BNC2: variants seen among roughly 807,000 people sequenced by gnomAD.
BNC2 encodes the protein basonuclin zinc finger protein 2.
A neutral mutation model predicts 76.3 loss-of-function variants in BNC2; 20 were observed. That is an observed-to-expected ratio of 0.26 (90% CI 0.18 to 0.38). BNC2 has a LOEUF of 0.38. Ranked by LOEUF, BNC2 falls within the 10% of genes least tolerant of loss-of-function variation. BNC2 has a pLI of 1.00. For missense variants in BNC2, 1,382 were observed against 1,399.8 expected (o/e 0.99, Z 0.20); for synonymous variants, 582 against 514.8 (o/e 1.13, Z -1.77).
chr9:16,508,539 T>C (rs890876063), intron 5 of BNC2, among the ~76,000 whole-genome samples: 3 of 152,230 alleles, frequency 2.0e-5, no homozygotes, highest in Non-Finnish European at 4.4e-5. Flanking sequence ...GGCTTGAATA[T>C]CTGAAGAAAA....
intron 5 of BNC2, among the ~76,000 whole-genome samples, chr9:16,516,157 T>C (rs1273299626): frequency 6.6e-6 from 1 of 152,288 alleles, no homozygotes; most frequent in Non-Finnish European, 1.5e-5. Flanking sequence ...AGCCTAACTG[T>C]GCTTCCAGCC....
intron 1 of BNC2, among the ~76,000 whole-genome samples, chr9:16,758,790 A>C (rs536061485): frequency 2.6e-4 from 40 of 152,354 alleles, no homozygotes; most frequent in African/African-American, 7.9e-4. Context: ...GTATTTAAAA[A>C]TCTGCCAATT....
Position 16,488,563 on chromosome 9 carries a change from G to C in BNC2, c.670-51039C>G, listed in dbSNP as rs1368367786. Among the ~76,000 whole-genome samples, 9 of 152,162 alleles carry C rather than the reference G, an allele frequency of 5.9e-5. No homozygotes were observed. In the South Asian group the frequency reaches 1.9e-3, roughly 32 times the overall value. On this transcript the variant is annotated intron_variant, in intron 5 of 6. Transcript: ENST00000380672. ...TTAGCAAATGAATGCGTTTAGTCTG[G>C]AGATCTTTTCATGCACTAAAATATC... is the stretch of plus-strand genomic sequence containing the variant.
intron 1 of BNC2, among the ~76,000 whole-genome samples, chr9:16,765,126 C>G (rs186246683): frequency 5.3e-5 from 8 of 152,120 alleles, no homozygotes; most frequent in African/African-American, 7.2e-5. Flanking sequence ...CACACTCTAT[C>G]GTACACAAAT....
chr9:16,736,191 G>A (rs1357108184), intron 2 of BNC2, among the ~76,000 whole-genome samples: 5 of 148,412 alleles, frequency 3.4e-5, no homozygotes, highest in African/African-American at 7.5e-5. Flanking sequence ...CCAAGATCGC[G>A]CCACTGCACT....
At position 16,553,666 on chromosome 9, in the gene BNC2, T is replaced by C. The variant is rs1347498621; in HGVS notation, c.434-901A>G. Among the ~76,000 whole-genome samples, 6 of 152,088 alleles carry C rather than the reference T, an allele frequency of 3.9e-5. No homozygotes were observed. The East Asian group carries it at 5.8e-4, about 15-fold the overall frequency. On this transcript the variant is annotated intron_variant, in intron 4 of 6. Transcript: ENST00000380672. ...CTCAGAGTAAACACTTTTAATAAAA[T>C]GAAAAGTTCAACAATTGGGTGCTTT... is the stretch of plus-strand genomic sequence containing the variant.
At chr9:16,816,188 T>C (rs887136848) in intron 1 of BNC2, among the ~76,000 whole-genome samples, 3 of 152,156 alleles carry the variant, frequency 2.0e-5, no homozygotes, top group Non-Finnish European at 4.4e-5. Context: ...GCTTGAGACA[T>C]TGTTCTGGCC....
intron 1 of BNC2, among the ~76,000 whole-genome samples, chr9:16,843,807 G>A (rs1818893852): frequency 6.6e-6 from 1 of 152,182 alleles, no homozygotes; most frequent in Non-Finnish European, 1.5e-5. Flanking sequence ...CAATTGAATA[G>A]TATTTGAAAA....
At chr9:16,519,928 C>T (rs10756757) in intron 5 of BNC2, among the ~76,000 whole-genome samples, 51,496 of 152,054 alleles carry the variant, frequency 0.34, 9,115 homozygotes, top group East Asian at 0.49. Context: ...AGACAGTCAA[C>T]AGACACTGGC....
chr9:16,662,193 T>C (rs999973985), intron 3 of BNC2, among the ~76,000 whole-genome samples: 3 of 152,222 alleles, frequency 2.0e-5, no homozygotes, highest in Non-Finnish European at 2.9e-5. Context: ...TCAGAATAGA[T>C]ATTCTGGTCC....
intron 1 of BNC2, among the ~76,000 whole-genome samples, chr9:16,740,980 A>G (rs1301375318): frequency 6.6e-6 from 1 of 152,214 alleles, no homozygotes; most frequent in African/African-American, 2.4e-5. Context: ...TTTTTCCACT[A>G]AACTGTACAC....
rs549421273 is a variant in BNC2, at chr9:16,580,914, C to T, written c.433+2069G>A. ...TTTTACAGGCAAGAAAACTGAAGTC[C>T]AGCAATATTAACATGTCATGAGGTG... On this transcript the variant is annotated intron_variant, in intron 4 of 6. Coordinates refer to ENST00000380672, the MANE Select transcript of BNC2 (RefSeq NM_017637.6). Among the ~76,000 whole-genome samples the T allele has an allele frequency of 1.8e-3, 279 of 152,132 alleles. 3 individuals are homozygous for T. Among genetic ancestry groups the T allele is most frequent in the Middle Eastern group, 6.8e-3 (2 of 294 alleles).
At chr9:16,788,486 G>A (rs1826370589) in intron 1 of BNC2, among the ~76,000 whole-genome samples, 1 of 150,696 alleles carries the variant, frequency 6.6e-6, no homozygotes, top group African/African-American at 2.4e-5. Flanking sequence ...CCAGGAGGCG[G>A]AGCTTGCAGT....
chr9:16,466,133 G>A (rs1821702075), intron 5 of BNC2, among the ~76,000 whole-genome samples: 1 of 38,824 alleles, frequency 2.6e-5, no homozygotes, highest in Non-Finnish European at 5.1e-5. Flanking sequence ...GGGATGTGAA[G>A]GACCTCTTCA....
chr9:16,481,254 G>C (rs981874565), intron 5 of BNC2, among the ~76,000 whole-genome samples: 3 of 152,124 alleles, frequency 2.0e-5, no homozygotes, highest in South Asian at 4.2e-4. Flanking sequence ...CCAATCAGCA[G>C]GATGTGGGTG....
chr9:16,659,606 C>CAAA (rs779661465), intron 3 of BNC2, among the ~76,000 whole-genome samples: 68 of 122,908 alleles, frequency 5.5e-4, no homozygotes, highest in African/African-American at 1.8e-3. Flanking sequence ...GACTCCGTCT[C>CAAA]AAAAAAAAAA....
intron 1 of BNC2, among the ~76,000 whole-genome samples, chr9:16,750,793 C>A (rs1314446845): frequency 5.9e-5 from 9 of 152,228 alleles, no homozygotes; most frequent in African/African-American, 2.2e-4. Flanking sequence ...CCACTATATT[C>A]CTACCATGCT....
chr9:16,756,794 C>G (rs1825394727), intron 1 of BNC2, among the ~76,000 whole-genome samples: 1 of 152,062 alleles, frequency 6.6e-6, no homozygotes, highest in Non-Finnish European at 1.5e-5. Flanking sequence ...TCAAAAATAT[C>G]CTGGCTAACA....
At chr9:16,822,423 G>C (rs182566346) in intron 1 of BNC2, among the ~76,000 whole-genome samples, 2 of 152,138 alleles carry the variant, frequency 1.3e-5, no homozygotes, top group Non-Finnish European at 2.9e-5. Context: ...AGTGAGTCTA[G>C]ATGCAAAAAC....
Sources: allele counts gnomAD v4.1 joint callset (sites outside exome capture counted in the v4.1 genomes callset), GRCh38; gene constraint gnomAD v4.1.1; transcripts MANE v1.5; gene names NCBI Gene and HGNC (gene_info 2026-07-23, HGNC 2026-07-21).